The following PARD3 variants were observed in gnomAD, a reference collection of about 807,000 sequenced individuals.
PARD3 encodes the protein par-3 family cell polarity regulator, also known as partitioning defective 3 homolog.
A neutral mutation model predicts 155.4 loss-of-function variants in PARD3; 75 were observed. That is an observed-to-expected ratio of 0.48 (90% CI 0.40 to 0.58). PARD3 has a LOEUF of 0.58. Among genes scored for constraint, PARD3 ranks in the 20% least tolerant of loss-of-function variants. The probability of loss-of-function intolerance (pLI) is 0.00; values close to 1 mark genes in which losing one functional copy is unlikely to be tolerated. For synonymous variants in PARD3, 576 were observed against 610.5 expected, an observed-to-expected ratio of 0.94 and a Z score of 0.83; for missense variants, 1,642 against 1,721.7, an observed-to-expected ratio of 0.95 and a Z score of 0.82.
intron 22 of PARD3, among the ~76,000 whole-genome samples, chr10:34,147,733 A>T (rs651187): frequency 0.03 from 4,602 of 152,032 alleles, 232 homozygotes; most frequent in African/African-American, 0.1. Context: ...ATAATTTTTT[A>T]AAAAAATCTT....
At chr10:34,477,671 A>G (rs1412498936) in intron 3 of PARD3, among the ~76,000 whole-genome samples, 1 of 152,256 alleles carries the variant, frequency 6.6e-6, no homozygotes. Flanking sequence ...CAACTTGCCC[A>G]ATGTCTCTCT....
intron 4 of PARD3, among the ~76,000 whole-genome samples, chr10:34,458,265 C>T (rs148651225): frequency 1.3e-5 from 2 of 152,052 alleles, no homozygotes; most frequent in Non-Finnish European, 2.9e-5. Context: ...TGCAGAAGCA[C>T]AATCATAGCT....
intron 21 of PARD3, among the ~76,000 whole-genome samples, chr10:34,279,363 A>AG (rs1300216929): frequency 6.6e-6 from 1 of 152,060 alleles, no homozygotes; most frequent in East Asian, 1.9e-4. Flanking sequence ...GCAGGTTAAC[A>AG]GATTCTTAAA....
chr10:34,170,777 GC>G (rs907598083), intron 22 of PARD3, among the ~76,000 whole-genome samples: 3 of 152,192 alleles, frequency 2.0e-5, no homozygotes, highest in Admixed American at 6.5e-5. Flanking sequence ...AGGGAAACTG[GC>G]AAAAACACCA....
chr10:34,326,706 CATATT>C (rs1364798743), intron 19 of PARD3, among the ~76,000 whole-genome samples: 2 of 152,164 alleles, frequency 1.3e-5, no homozygotes, highest in Non-Finnish European at 2.9e-5. Flanking sequence ...TAGAAGCTCT[CATATT>C]AGTTGATTTA....
intron 1 of PARD3, among the ~76,000 whole-genome samples, chr10:34,781,190 A>G (rs1840199430): frequency 6.6e-6 from 1 of 152,190 alleles, no homozygotes; most frequent in Admixed American, 6.5e-5. Context: ...GACATGGCTG[A>G]CACTAAGCAC....
intron 1 of PARD3, among the ~76,000 whole-genome samples, chr10:34,811,121 AT>A (rs748156656): frequency 6.6e-6 from 1 of 152,104 alleles, no homozygotes; most frequent in Non-Finnish European, 1.5e-5. Context: ...AGCAACCTTT[AT>A]TTAGAATGAA....
At chr10:34,512,105 C>T (rs1434319044) in intron 3 of PARD3, among the ~76,000 whole-genome samples, 1 of 152,144 alleles carries the variant, frequency 6.6e-6, no homozygotes, top group Non-Finnish European at 1.5e-5. Flanking sequence ...ATGATCAGTA[C>T]CTAGATCCAT....
In PARD3 at chr10:34,374,885, G is replaced by A; in HGVS notation, c.1657C>T (p.Pro553Ser). The A allele has an allele frequency of 6.2e-7, 1 of 1,613,856 alleles. No individual in the cohort carries two copies. The highest frequency in any genetic ancestry group is 8.5e-7 in the Non-Finnish European group (1 of 1,179,882). The change falls in exon 11 of 25, where the codon CCA (proline) becomes TCA (serine). Residue 553 changes from proline to serine, a missense_variant. Transcript: ENST00000374788. Reference protein sequence around the residue: ...LVFRQEDAFHPRELNAEPSQM... With the variant: ...LVFRQEDAFHSRELNAEPSQM... ...CTAAATTTACACACCAGTTCCCTTG[G>A]GTGGAAGGCGTCTTCCTGGCGAAAG... is the stretch of plus-strand genomic sequence containing the variant.
At chr10:34,712,709 G>A (rs76583879) in intron 1 of PARD3, among the ~76,000 whole-genome samples, 5,552 of 151,980 alleles carry the variant, frequency 0.037, 358 homozygotes, top group African/African-American at 0.13. Context: ...AAGATAAAAG[G>A]CCTTTTTTAA....
chr10:34,619,960 A>T (rs559378035), intron 2 of PARD3, among the ~76,000 whole-genome samples: 2 of 152,280 alleles, frequency 1.3e-5, no homozygotes, highest in South Asian at 2.1e-4. Context: ...ATGAAGGTTC[A>T]TCCCTTCATG....
At chr10:34,705,762 GCAC>G (rs1279115368) in intron 1 of PARD3, among the ~76,000 whole-genome samples, 7 of 152,190 alleles carry the variant, frequency 4.6e-5, no homozygotes, top group African/African-American at 1.7e-4. Context: ...CAAAACCTCA[GCAC>G]CACAACACAA....
chr10:34,341,711 G>A lies in PARD3; in HGVS notation c.2324C>T (p.Ser775Phe). 1.2e-6 allele frequency: 2 copies of A among 1,614,030 alleles called. No individual in the cohort carries two copies. The highest frequency in any genetic ancestry group is 1.7e-6 in the Non-Finnish European group (2 of 1,179,952). The change falls in exon 16 of 25, where the codon TCT (serine) becomes TTT (phenylalanine). Residue 775 changes from serine to phenylalanine, a missense_variant. By Grantham distance (155) the Ser-to-Phe change is radical. This residue lies in a region of PARD3 where 1,529 missense variants were observed against 1,587.3 expected (regional missense o/e 0.96). Coordinates refer to ENST00000374788, the MANE Select transcript of PARD3 (RefSeq NM_001184785.2). ...CCCCACATCATCATGGGAGCTGGAA[G>A]AGGACTGGTCAGAGAGATGTGGAGG... The part of the protein sequence containing the change: ...VLPPHLSDQS[S>F]SSSHDDVGFV...
intron 22 of PARD3, among the ~76,000 whole-genome samples, chr10:34,230,058 C>T (rs562716826): frequency 5.3e-5 from 8 of 152,226 alleles, no homozygotes; most frequent in African/African-American, 1.9e-4. Context: ...AAGGCAAATA[C>T]ATTAGTGTCA....
intron 2 of PARD3, among the ~76,000 whole-genome samples, chr10:34,559,560 CAGA>C (rs2134043380): frequency 6.6e-6 from 1 of 152,138 alleles, no homozygotes; most frequent in Non-Finnish European, 1.5e-5. Flanking sequence ...CATTAGCAGT[CAGA>C]AGAATAGACA....
chr10:34,478,606 C>G (rs1187741236), intron 3 of PARD3, among the ~76,000 whole-genome samples: 1 of 152,110 alleles, frequency 6.6e-6, no homozygotes, highest in African/African-American at 2.4e-5. Flanking sequence ...TGTAATGGTG[C>G]GATCTCGGCT....
intron 22 of PARD3, among the ~76,000 whole-genome samples, chr10:34,210,254 G>A (rs1257654553): frequency 6.6e-6 from 1 of 152,012 alleles, no homozygotes; most frequent in Non-Finnish European, 1.5e-5. Flanking sequence ...TAGTGCAGGT[G>A]GTGGAGAGAA....
chr10:34,738,335 C>A (rs74134407), intron 1 of PARD3, among the ~76,000 whole-genome samples: 44 of 152,292 alleles, frequency 2.9e-4, no homozygotes, highest in African/African-American at 9.9e-4. Context: ...CAGGAAGAAT[C>A]CCATTTTCGT....
chr10:34,523,511 T>C (rs950920531), intron 2 of PARD3, among the ~76,000 whole-genome samples: 6 of 152,126 alleles, frequency 3.9e-5, no homozygotes, highest in African/African-American at 7.2e-5. Flanking sequence ...AAGAATAAAC[T>C]TGAAGATGCC....
Sources: allele counts gnomAD v4.1 joint callset (sites outside exome capture counted in the v4.1 genomes callset), GRCh38; gene constraint gnomAD v4.1.1; regional missense constraint gnomAD v4.1.1; transcripts MANE v1.5; gene names NCBI Gene and HGNC (gene_info 2026-07-23, HGNC 2026-07-21).